SNX4: variants seen among roughly 807,000 people sequenced by gnomAD.
SNX4 encodes sorting nexin-4.
A neutral mutation model predicts 70.8 loss-of-function variants in SNX4; 49 were observed. That is an observed-to-expected ratio of 0.69 (90% CI 0.55 to 0.88). SNX4 has a LOEUF of 0.88. Among genes scored for constraint, SNX4 ranks in the 40% least tolerant of loss-of-function variants. The pLI, the probability that SNX4 is intolerant of heterozygous loss-of-function variation, is 0.00. For synonymous variants in SNX4, 206 were observed against 183.8 expected, an observed-to-expected ratio of 1.12 and a Z score of -0.98; for missense variants, 528 against 544.8, an observed-to-expected ratio of 0.97 and a Z score of 0.31.
chr3:125,494,662 G>A (rs1413621763), intron 5 of SNX4, among the ~76,000 whole-genome samples: 3 of 152,136 alleles, frequency 2.0e-5, no homozygotes, highest in South Asian at 2.1e-4. Flanking sequence ...AGGCTAATGG[G>A]ATGTACGTCT....
intron 1 of SNX4, among the ~76,000 whole-genome samples, chr3:125,509,192 C>A (rs748210622): frequency 2.4e-4 from 37 of 151,494 alleles, no homozygotes; most frequent in Non-Finnish European, 4.1e-4. Context: ...ATTAGCCAGG[C>A]GTGGTGTCAT....
chr3:125,495,277 T>TACATATATATACAC (rs1553727770), intron 5 of SNX4, among the ~76,000 whole-genome samples: 1 of 99,618 alleles, frequency 1.0e-5, no homozygotes, highest in Non-Finnish European at 2.0e-5. Flanking sequence ...TATATATATA[T>TACATATATATACAC]ACACATACAC....
intron 2 of SNX4, among the ~76,000 whole-genome samples, chr3:125,503,939 G>A (rs1934984866): frequency 6.6e-6 from 1 of 152,158 alleles, no homozygotes; most frequent in African/African-American, 2.4e-5. Flanking sequence ...GCTCACACGA[G>A]TAATCCCAGC....
intron 8 of SNX4, among the ~76,000 whole-genome samples, chr3:125,474,888 G>A (rs1451483362): frequency 6.6e-6 from 1 of 151,974 alleles, no homozygotes; most frequent in Non-Finnish European, 1.5e-5. Context: ...TTTTAAATAA[G>A]CATTGTTCCC....
intron 5 of SNX4, among the ~76,000 whole-genome samples, chr3:125,496,756 C>A (rs1934802016): frequency 6.6e-6 from 1 of 152,106 alleles, no homozygotes; most frequent in African/African-American, 2.4e-5. Context: ...ATTCTAATGA[C>A]TAAATTTAAA....
At chr3:125,519,965 C>A in intron 1 of SNX4, 67 bp downstream of exon 1, 1 of 1,373,292 alleles carries the variant, frequency 7.3e-7, no homozygotes, top group Non-Finnish European at 9.6e-7. Context: ...CCCAGCCCAG[C>A]CCAGCCCAGC....
intron 2 of SNX4, among the ~76,000 whole-genome samples, chr3:125,504,420 G>A (rs146991285): frequency 6.1e-4 from 93 of 151,292 alleles, no homozygotes; most frequent in African/African-American, 2.2e-3. Context: ...GGAGTTTGAG[G>A]CTGCAGTGAG....
In SNX4 at chr3:125,513,513, C is replaced by T. The variant is rs142052435; in HGVS notation, c.141+6519G>A. On this transcript the variant is annotated intron_variant, in intron 1 of 13. Coordinates refer to ENST00000251775, the MANE Select transcript of SNX4 (RefSeq NM_003794.4). ...GGCAAGAGCTCAAGTATTACTTTTC[C>T]GCCATTATTTTTAGATTTAAATTTT... Among the ~76,000 whole-genome samples, 279 of 152,158 alleles carry T rather than the reference C, an allele frequency of 1.8e-3. 5 individuals carry two copies. Among genetic ancestry groups the T allele is most frequent in the Non-Finnish European group, 5.1e-4 (35 of 68,008 alleles).
intron 6 of SNX4, among the ~76,000 whole-genome samples, chr3:125,484,433 T>C (rs1934479257): frequency 6.6e-6 from 1 of 152,134 alleles, no homozygotes; most frequent in African/African-American, 2.4e-5. Context: ...TTTTATACTT[T>C]TAGTAGAGAC....
intron 8 of SNX4, among the ~76,000 whole-genome samples, chr3:125,472,273 T>A (rs1353204054): frequency 6.6e-6 from 1 of 152,138 alleles, no homozygotes; most frequent in Non-Finnish European, 1.5e-5. Context: ...CAAATTAATT[T>A]TTTTTCCGAT....
chr3:125,497,364 TCA>T lies in SNX4; in HGVS notation c.572_573del (p.Val191GlufsTer2). ...LTQEGNWKET[V>X]NETGFQLKAD... ...ACCTTCAGCTGAAACCCAGTTTCATTCACAGTCTCCTTCCAGTTACCTTCCTA... is the reference window on the plus strand; with the variant it reads ...ACCTTCAGCTGAAACCCAGTTTCATTCAGTCTCCTTCCAGTTACCTTCCTA... On this transcript the variant is annotated frameshift_variant, in exon 5 of 14. Transcript: ENST00000251775. LOFTEE classifies it high-confidence loss of function. 1 of 1,608,562 alleles carries T rather than the reference TCA, an allele frequency of 6.2e-7. No homozygotes were observed. Among genetic ancestry groups the T allele is most frequent in the Non-Finnish European group, 8.5e-7 (1 of 1,175,712 alleles).
intron 1 of SNX4, among the ~76,000 whole-genome samples, chr3:125,507,191 G>GA (rs753584700): frequency 0.021 from 1,871 of 90,748 alleles, 55 homozygotes; most frequent in African/African-American, 0.065. Context: ...CTGGGTGATA[G>GA]AAAAAAAAAA....
intron 1 of SNX4, among the ~76,000 whole-genome samples, chr3:125,517,751 G>A (rs145069383): frequency 0.014 from 2,171 of 152,254 alleles, 43 homozygotes; most frequent in African/African-American, 0.042. Flanking sequence ...TGAGGCAGGC[G>A]GATCGCCTGA....
chr3:125,515,491 G>A (rs1237416343), intron 1 of SNX4, among the ~76,000 whole-genome samples: 3 of 150,106 alleles, frequency 2.0e-5, no homozygotes, highest in Non-Finnish European at 4.4e-5. Context: ...GGGAGATCTT[G>A]TCTCTACAAA....
At chr3:125,517,014 C>A (rs1935297640) in intron 1 of SNX4, 1 of 115,228 alleles carries the variant, frequency 8.7e-6, no homozygotes, top group Non-Finnish European at 1.9e-5. Flanking sequence ...CTCAATTTCA[C>A]AAATCAGTTA....
chr3:125,481,293 A>C (rs1373048350), intron 6 of SNX4, among the ~76,000 whole-genome samples: 5 of 152,014 alleles, frequency 3.3e-5, no homozygotes, highest in East Asian at 1.9e-4. Context: ...AGCTGACATC[A>C]TCCTCCTCCT....
chr3:125,469,732 T>A (rs1229027177), intron 8 of SNX4, among the ~76,000 whole-genome samples: 1 of 151,092 alleles, frequency 6.6e-6, no homozygotes, highest in Non-Finnish European at 1.5e-5. Flanking sequence ...TGCTTGCTGC[T>A]AAGCGGAAGG....
Position 125,469,441 on chromosome 3 carries a change from T to G in SNX4, c.854+13A>C, listed in dbSNP as rs1934113000. The G allele has an allele frequency of 6.2e-7, 1 of 1,601,450 alleles. No individual in the cohort carries two copies. The highest frequency in any genetic ancestry group is 1.3e-5 in the African/African-American group (1 of 74,674). ...TTCACCTCAGGCTTCACAAAAGTTC[T>G]CGAGGTACTTACACATCCATATGAT... On this transcript the variant is annotated intron_variant, in intron 9 of 13. Coordinates refer to ENST00000251775, the MANE Select transcript of SNX4 (RefSeq NM_003794.4).
intron 1 of SNX4, among the ~76,000 whole-genome samples, chr3:125,505,439 T>C (rs556186098): frequency 2.0e-5 from 3 of 152,272 alleles, no homozygotes; most frequent in South Asian, 4.1e-4. Context: ...TGGAGTCCAA[T>C]AAAGGCTTGC....
Sources: gnomAD v4.1 joint callset for allele counts (sites outside exome capture counted in the v4.1 genomes callset) on GRCh38, gnomAD v4.1.1 for gene constraint, MANE v1.5 for transcripts, NCBI Gene and HGNC (gene_info 2026-07-23, HGNC 2026-07-21) for gene names.